Variants in LRRC27 observed in about 807,000 individuals in gnomAD.
LRRC27 encodes leucine-rich repeat-containing protein 27.
LRRC27 carries 57 observed loss-of-function variants against 55.0 expected under a neutral mutation model. The observed-to-expected ratio is 1.04, with a 90% CI of 0.84 to 1.29. LRRC27 has a LOEUF of 1.29. Among genes scored for constraint, LRRC27 ranks in the 50% most tolerant of loss-of-function variants. The pLI is 0.00. For missense variants in LRRC27, 721 were observed against 651.5 expected (o/e 1.11, Z -1.16); for synonymous variants, 278 against 251.9 (o/e 1.10, Z -0.98).
chr10:132,348,099 T>C lies in LRRC27; in HGVS notation c.669T>C (p.Ala223=). The C allele has an allele frequency of 6.2e-7, 1 of 1,614,020 alleles. No homozygotes were observed. Among genetic ancestry groups the C allele is most frequent in the Non-Finnish European group, 8.5e-7 (1 of 1,180,008 alleles). ...GAVNAQDPEG[A]VMKEKASFLP... is the part of the protein sequence containing the mutation. ...TGAACGCTCAGGACCCAGAGGGGGC[T>C]GTGATGAAAGAGAAGGCCAGCTTTC... Residue 223 remains alanine, a synonymous_variant, in exon 6 of 11, where the codon GCT becomes GCC. Transcript: ENST00000368614. The surrounding 1 kb of genome is among the most constrained non-coding windows in gnomAD (Gnocchi z 4.2).
Position 132,361,541 on chromosome 10 carries a change from A to G in LRRC27, c.1255A>G (p.Lys419Glu), listed in dbSNP as rs754875845. 37 of 1,613,718 alleles carry G rather than the reference A, an allele frequency of 2.3e-5. No individual in the cohort carries two copies. Among genetic ancestry groups the G allele is most frequent in the Non-Finnish European group, 2.6e-5 (31 of 1,179,916 alleles). The stretch of plus-strand genomic sequence containing the variant: ...TCCGCCTGGAAAAATGAAACCAAGC[A>G]AAGAGAAATCGCCACAAGCAAGTAA... ...LNPPGKMKPS[K>E]EKSPQASKEM... Residue 419 changes from lysine to glutamate, a missense_variant, in exon 9 of 11, where the codon AAA becomes GAA. Transcript: ENST00000368614.
rs1174628394 is a variant in LRRC27 at position 132,372,831 on chromosome 10, A to T, written c.1417-2235A>T. 6.6e-6 allele frequency among the ~76,000 whole-genome samples: 1 copy of T among 152,090 alleles called. No individual in the cohort carries two copies. The highest frequency in any genetic ancestry group is 1.9e-4 in the East Asian group (1 of 5,172). On this transcript the variant is annotated intron_variant, in intron 10 of 10. Coordinates refer to ENST00000368614, the MANE Select transcript of LRRC27 (RefSeq NM_030626.3). This position sits in a 1 kb window ranked among gnomAD's most constrained non-coding sequence, Gnocchi z 4.0. ...TGAGATATCAGCCAACCAAGACAGA[A>T]GCCACCTGGGCGTACCCTAGACAGC...
In LRRC27 at chr10:132,374,892, C is replaced by A. The variant is rs556984176; in HGVS notation, c.1417-174C>A. On this transcript the variant is annotated intron_variant, in intron 10 of 10. Coordinates refer to ENST00000368614, the MANE Select transcript of LRRC27 (RefSeq NM_030626.3). This position sits in a 1 kb window ranked among gnomAD's most constrained non-coding sequence, Gnocchi z 4.4. ...CCGGCTGGAAGTAGGCTGCTGGGCC[C>A]CATTGCAGGGGGGACCGCGCCGTGA... Among the ~76,000 whole-genome samples, 2 of 152,310 alleles carry A rather than the reference C, an allele frequency of 1.3e-5. No homozygotes were observed. Among genetic ancestry groups the A allele is most frequent in the East Asian group, 3.9e-4 (2 of 5,180 alleles).
chr10:132,376,763 A>C lies in LRRC27; in HGVS notation c.*1521A>C, dbSNP rs1479886375. 1 of 152,276 alleles carries C rather than the reference A, an allele frequency of 6.6e-6. No homozygotes were observed. The highest frequency in any genetic ancestry group is 1.9e-4 in the East Asian group (1 of 5,206). The allele number at this position is 152,276 out of a possible 1,614,324, so 9.4% of individuals were successfully genotyped here. A position where few individuals can be genotyped will look rare whatever the true frequency, so the allele number is the denominator to read the frequency against. On this transcript the variant is annotated 3_prime_UTR_variant, in exon 11 of 11. Coordinates refer to ENST00000368614, the MANE Select transcript of LRRC27 (RefSeq NM_030626.3). ...GAATGTATTTTGAGTTGTTGGGTAC[A>C]TTGTTTTGTGTGTGTCAGGTGACAT...
chr10:132,340,987 A>T (rs755736159), intron 3 of LRRC27, among the ~76,000 whole-genome samples: 24 of 152,264 alleles, frequency 1.6e-4, no homozygotes, highest in Non-Finnish European at 3.4e-4. Flanking sequence ...GGTTACCAAT[A>T]AAAAAATTAA....
chr10:132,354,626 C>T (rs569264194), intron 7 of LRRC27, among the ~76,000 whole-genome samples: 5 of 152,210 alleles, frequency 3.3e-5, no homozygotes, highest in Non-Finnish European at 7.3e-5. Context: ...TGATCCCAGG[C>T]AGCACTGACT....
chr10:132,353,472 T>TCAC (rs2068165239), intron 7 of LRRC27: 12 of 933,068 alleles, frequency 1.3e-5, no homozygotes, highest in Non-Finnish European at 1.5e-5. Context: ...TCTGTGATTG[T>TCAC]CCACAGCTGT....
In LRRC27 at chr10:132,348,733, A is replaced by G. The variant is rs2067848159; in HGVS notation, c.926+377A>G. Among the ~76,000 whole-genome samples, 1 of 152,256 alleles carries G rather than the reference A, an allele frequency of 6.6e-6. No individual in the cohort carries two copies. On this transcript the variant is annotated intron_variant, in intron 6 of 10. Coordinates refer to ENST00000368614, the MANE Select transcript of LRRC27 (RefSeq NM_030626.3). The surrounding 1 kb of genome is among the most constrained non-coding windows in gnomAD (Gnocchi z 4.2). ...AAGAACAGTAAAAGTGGGGGCAGGC[A>G]GTGAGCCAAGTGGGCACATTCTTGT...
intron 2 of LRRC27, chr10:132,336,843 C>T: frequency 1.3e-6 from 1 of 747,456 alleles, no homozygotes; most frequent in Admixed American, 2.0e-5. Context: ...GTATAAACAA[C>T]TAGCAGCATT....
rs554731442 is a variant in LRRC27, at chr10:132,346,659, C to T, written c.554-1325C>T. 3.9e-5 allele frequency among the ~76,000 whole-genome samples: 6 copies of T among 152,164 alleles called. No individual in the cohort carries two copies. In the South Asian group the frequency reaches 8.3e-4, roughly 21 times the overall value. ...CAGCCTGGATGACAGAGCGAGATTCCGTCTTAAAAAAATAAATAAATAAAT... is the reference window on the plus strand; with the variant it reads ...CAGCCTGGATGACAGAGCGAGATTCTGTCTTAAAAAAATAAATAAATAAAT... On this transcript the variant is annotated intron_variant, in intron 5 of 10. Coordinates refer to ENST00000368614, the MANE Select transcript of LRRC27 (RefSeq NM_030626.3).
At chr10:132,364,462 CA>C in intron 9 of LRRC27, among the ~76,000 whole-genome samples, 1 of 119,008 alleles carries the variant, frequency 8.4e-6, no homozygotes, top group Admixed American at 9.5e-5. Context: ...CACTCACACC[CA>C]CCCACACTTA....
chr10:132,359,125 GAGCGTGGGAAGGAGCCGAGGTGGTGGAGC>G lies in LRRC27; in HGVS notation c.1171-2323_1171-2295del, dbSNP rs1488417979. Among the ~76,000 whole-genome samples the G allele has an allele frequency of 3.3e-4, 26 of 78,336 alleles. 1 individual carries two copies. Among genetic ancestry groups the G allele is most frequent in the South Asian group, 1.2e-3 (3 of 2,428 alleles). 51.4% of individuals were successfully genotyped at this position (78,336 alleles called of 152,430 possible). ...AGTGTGGGGAGGAGCCGAGGTGGTG[GAGCGTGGGAAGGAGCCGAGGTGGTGGAGC>G]AGCGTGGGGAGGTGCTGAGGTGGTG... On this transcript the variant is annotated intron_variant, in intron 8 of 10. Coordinates refer to ENST00000368614, the MANE Select transcript of LRRC27 (RefSeq NM_030626.3).
intron 10 of LRRC27, among the ~76,000 whole-genome samples, chr10:132,373,059 T>TC (rs990905584): frequency 2.0e-5 from 3 of 151,584 alleles, no homozygotes; most frequent in Admixed American, 6.6e-5. Context: ...AGAATTAAAA[T>TC]CCCCCCGTAG....
At chr10:132,343,716 G>A (rs7098749) in intron 4 of LRRC27, among the ~76,000 whole-genome samples, 19,379 of 152,264 alleles carry the variant, frequency 0.13, 1,390 homozygotes, top group East Asian at 0.35. Context: ...AAAAGCGAGC[G>A]CGGCTGAAAG....
At position 132,337,609 on chromosome 10, in the gene LRRC27, T is replaced by G. The variant is rs535203269; in HGVS notation, c.255T>G (p.Asp85Glu). ...QRNALCVIPQ[D>E]FFQLLPNLTW... The stretch of plus-strand genomic sequence containing the variant: ...ATGCCCTGTGTGTGATTCCTCAAGA[T>G]TTCTTTCAGTTGCTTCCGAACCTGA... Residue 85 changes from aspartate (D) to glutamate (E), a missense_variant, in exon 3 of 11, where the codon GAT (aspartate) becomes GAG (glutamate). Physicochemically the swap from Asp to Glu is conservative, Grantham distance 45 (BLOSUM62 2). Transcript: ENST00000368614. The G allele has an allele frequency of 1.5e-4, 237 of 1,614,218 alleles. 1 individual carries two copies. The South Asian group carries it at 2.5e-3, about 17-fold the overall frequency.
intron 7 of LRRC27, among the ~76,000 whole-genome samples, chr10:132,355,427 C>T (rs757434340): frequency 4.6e-5 from 7 of 152,182 alleles, no homozygotes; most frequent in African/African-American, 7.2e-5. Context: ...GACAAGTGCC[C>T]GCAGCCAGGC....
At chr10:132,357,968 A>G (rs1024016112) in intron 8 of LRRC27, among the ~76,000 whole-genome samples, 4 of 152,190 alleles carry the variant, frequency 2.6e-5, no homozygotes, top group African/African-American at 7.2e-5. Flanking sequence ...AGCTGAACGC[A>G]TGGAGAGGCC....
At chr10:132,331,510 GT>G, upstream of LRRC27, 1 of 1,612,922 alleles carries the variant, frequency 6.2e-7, no homozygotes, top group Non-Finnish European at 8.5e-7. Flanking sequence ...CTGAGTCTGC[GT>G]TCCCCTGGCA....
upstream of LRRC27, chr10:132,331,577 G>A (rs1180241457): frequency 8.1e-6 from 13 of 1,612,930 alleles, no homozygotes; most frequent in Admixed American, 1.7e-5. Context: ...GTGGCTCCAG[G>A]AAGCCCCAGG....
Sources: gnomAD v4.1 joint callset for allele counts (sites outside exome capture counted in the v4.1 genomes callset) on GRCh38, gnomAD v4.1.1 for gene constraint, Gnocchi (gnomAD v3.1) non-coding constraint, MANE v1.5 for transcripts, NCBI Gene and HGNC (gene_info 2026-07-23, HGNC 2026-07-21) for gene names.